Variants in SLC26A11 observed in about 807,000 individuals in gnomAD.
The protein encoded by SLC26A11 is solute carrier family 26 member 11.
Under a neutral mutation model 62.2 loss-of-function variants are expected in SLC26A11, and 58 were observed. The observed-to-expected ratio is 0.93, with a 90% CI of 0.76 to 1.16. The LOEUF (loss-of-function observed/expected upper bound fraction) is 1.16. Ranked by LOEUF, SLC26A11 falls within the 50% of genes most tolerant of loss-of-function variation. SLC26A11 has a pLI of 0.00. For synonymous variants in SLC26A11, 411 were observed against 368.9 expected, an observed-to-expected ratio of 1.11 and a Z score of -1.31; for missense variants, 790 against 794.3, an observed-to-expected ratio of 0.99 and a Z score of 0.06.
At chr17:80,249,438 T>G in intron 16 of SLC26A11, 151 bp downstream of exon 16, 2 of 1,148,096 alleles carry the variant, frequency 1.7e-6, no homozygotes, top group Non-Finnish European at 2.4e-6. Flanking sequence ...ACAGTTCTTG[T>G]TCCCATCTGG....
At chr17:80,234,609 G>T (rs978663713) in intron 7 of SLC26A11, among the ~76,000 whole-genome samples, 1 of 152,076 alleles carries the variant, frequency 6.6e-6, no homozygotes, top group Non-Finnish European at 1.5e-5. Flanking sequence ...CCCCCTATGC[G>T]ATTCCACAGA....
intron 5 of SLC26A11, among the ~76,000 whole-genome samples, chr17:80,224,807 C>T (rs1404613948): frequency 6.6e-6 from 1 of 152,066 alleles, no homozygotes; most frequent in Non-Finnish European, 1.5e-5. Context: ...TTCATGCCTT[C>T]ATACTTGGCA....
intron 9 of SLC26A11, 50 bp downstream of exon 9, chr17:80,237,644 C>T (rs762292913): frequency 1.3e-5 from 20 of 1,548,036 alleles, no homozygotes; most frequent in African/African-American, 2.7e-5. Context: ...GCCGGCTGGG[C>T]TAGGCCTGCC....
intron 16 of SLC26A11, among the ~76,000 whole-genome samples, chr17:80,250,207 G>A (rs1444739710): frequency 6.6e-6 from 1 of 152,188 alleles, no homozygotes; most frequent in East Asian, 1.9e-4. Context: ...GGACTAGGGC[G>A]TGTCCCCAGG....
chr17:80,242,045 T>C (rs11657813), intron 10 of SLC26A11, among the ~76,000 whole-genome samples: 104,886 of 152,246 alleles, frequency 0.69, 36,899 homozygotes, highest in East Asian at 0.97. Context: ...GGCACGATCT[T>C]GGCTCACTAC....
chr17:80,229,937 C>T, intron 7 of SLC26A11, among the ~76,000 whole-genome samples: 1 of 152,130 alleles, frequency 6.6e-6, no homozygotes, highest in Non-Finnish European at 1.5e-5. Flanking sequence ...GGCATGGTGG[C>T]TCACGCCTGT....
In SLC26A11 at chr17:80,248,311, CATGGTCTT is replaced by C. The variant is rs1260759049; in HGVS notation, c.1422+58_1422+65del. ...GTGTGCTGGGGGCAGGATTCCTGGG[CATGGTCTT>C]ATGTTTTGAGGGTCCGGGGTGATTG... is the stretch of plus-strand genomic sequence containing the variant. On this transcript the variant is annotated intron_variant, in intron 14 of 17. Coordinates refer to ENST00000361193, the MANE Select transcript of SLC26A11 (RefSeq NM_001166347.2). 7.0e-6 allele frequency: 11 copies of C among 1,568,808 alleles called. No individual in the cohort carries two copies. The East Asian group carries it at 2.5e-4, about 36-fold the overall frequency.
At chr17:80,224,805 T>C (rs1019339339) in intron 5 of SLC26A11, among the ~76,000 whole-genome samples, 3 of 152,080 alleles carry the variant, frequency 2.0e-5, no homozygotes, top group Non-Finnish European at 2.9e-5. Context: ...TGTTCATGCC[T>C]TCATACTTGG....
Position 80,251,401 on chromosome 17 carries a change from GGTGGGCACA to G in SLC26A11, c.1729+3_1729+11del. 1.9e-6 allele frequency: 3 copies of G among 1,614,070 alleles called. No individual in the cohort carries two copies. Among genetic ancestry groups the G allele is most frequent in the Non-Finnish European group, 2.5e-6 (3 of 1,179,970 alleles). On this transcript the variant is annotated splice_donor_variant and splice_donor_5th_base_variant and intron_variant, in intron 17 of 17. Coordinates refer to ENST00000361193, the MANE Select transcript of SLC26A11 (RefSeq NM_001166347.2). LOFTEE classifies it high-confidence loss of function. ...GTACTTCTCTACCCTGGAAGAAGCA[GGTGGGCACA>G]GTCAGACATCCTGTGGCTTTGGTGA...
intron 8 of SLC26A11, 190 bp from the exon 9 acceptor site, chr17:80,237,332 C>A: frequency 2.7e-6 from 2 of 744,280 alleles, no homozygotes; most frequent in Non-Finnish European, 4.3e-6. Context: ...TTTTGGACTC[C>A]AGCTGAGGAT....
chr17:80,225,117 C>G (rs1249347222), intron 5 of SLC26A11, among the ~76,000 whole-genome samples: 2 of 152,120 alleles, frequency 1.3e-5, no homozygotes, highest in Non-Finnish European at 2.9e-5. Context: ...GGGAGGATCA[C>G]TGGAGCCCAG....
intron 9 of SLC26A11, 85 bp from the exon 10 acceptor site, chr17:80,241,686 T>C (rs2042864289): frequency 4.3e-6 from 6 of 1,396,850 alleles, no homozygotes; most frequent in Middle Eastern, 1.8e-4. Context: ...TGTGTAGAAA[T>C]TCATAATCTG....
In SLC26A11 at chr17:80,248,131, G is replaced by A. The variant is rs1296157768; in HGVS notation, c.1296G>A (p.Arg432=). The change falls in exon 14 of 18, where the codon AGG becomes AGA. Residue 432 remains arginine (R), a splice_region_variant and synonymous_variant. Transcript: ENST00000361193. ...TCCTCAGCTGTGCCCTTCTCCTAGG[G>A]CTGGACCTGCTGCCCCTGTGCGTGA... ...KIFRTLWRVK[R]LDLLPLCVTF... is the part of the protein sequence containing the mutation. The A allele has an allele frequency of 1.2e-6, 2 of 1,602,010 alleles. No individual in the cohort carries two copies. Among genetic ancestry groups the A allele is most frequent in the African/African-American group, 1.3e-5 (1 of 75,028 alleles).
intron 10 of SLC26A11, among the ~76,000 whole-genome samples, chr17:80,243,357 A>G (rs2042913080): frequency 6.6e-6 from 1 of 151,442 alleles, no homozygotes; most frequent in Admixed American, 6.6e-5. Flanking sequence ...AATCTTCCAA[A>G]TGTGATTTCC....
intron 1 of SLC26A11, among the ~76,000 whole-genome samples, 182 bp downstream of exon 1, chr17:80,220,678 C>T (rs1200781409): frequency 6.6e-6 from 1 of 152,104 alleles, no homozygotes; most frequent in Non-Finnish European, 1.5e-5. Flanking sequence ...CTCGGCCTTG[C>T]TCGGGGCCAA....
Position 80,246,754 on chromosome 17 carries a change from G to A in SLC26A11, c.1294+105G>A, listed in dbSNP as rs986970250. On this transcript the variant is annotated intron_variant, in intron 13 of 17. Transcript: ENST00000361193. The surrounding 1 kb of genome is among the most constrained non-coding windows in gnomAD (Gnocchi z 4.4). ...CCTGCAGCCCCCTCTGTGGGGCTGG[G>A]ACTGGGAAGTTAGGGCAGTCCCGGA... 169 of 1,439,208 alleles carry A rather than the reference G, an allele frequency of 1.2e-4. No individual in the cohort carries two copies. The highest frequency in any genetic ancestry group is 1.5e-4 in the Non-Finnish European group (162 of 1,068,448). 89.2% of individuals were successfully genotyped at this position (1,439,208 alleles called of 1,614,324 possible).
intron 10 of SLC26A11, 49 bp from the exon 11 acceptor site, chr17:80,245,147 A>G (rs1309100054): frequency 1.3e-6 from 2 of 1,573,426 alleles, no homozygotes; most frequent in Non-Finnish European, 1.7e-6. Context: ...CTTTCCCTCC[A>G]TCCTGTGTGC....
chr17:80,247,984 C>T, intron 13 of SLC26A11, 146 bp from the exon 14 acceptor site: 2 of 943,106 alleles, frequency 2.1e-6, no homozygotes, highest in Non-Finnish European at 3.0e-6. Flanking sequence ...TCAGCAGCTG[C>T]TGTCCCCAAG....
intron 1 of SLC26A11, 128 bp downstream of exon 1, chr17:80,220,624 G>T (rs979452298): frequency 3.3e-6 from 1 of 299,858 alleles, no homozygotes; most frequent in Non-Finnish European, 6.1e-6. Flanking sequence ...GGCCTCCCGT[G>T]GGGACCACTC....
Sources: gnomAD v4.1 joint callset for allele counts (sites outside exome capture counted in the v4.1 genomes callset) on GRCh38, gnomAD v4.1.1 for gene constraint, Gnocchi (gnomAD v3.1) non-coding constraint, MANE v1.5 for transcripts, NCBI Gene and HGNC (gene_info 2026-07-23, HGNC 2026-07-21) for gene names.